The following FBXO42 variants were observed in gnomAD, a reference collection of about 807,000 sequenced individuals.
FBXO42 encodes the protein F-box protein 42, also known as F-box only protein 42.
A neutral mutation model predicts 71.7 loss-of-function variants in FBXO42; 12 were observed. The observed-to-expected ratio is 0.17, with a 90% CI of 0.11 to 0.27. The LOEUF is 0.27. FBXO42 is among the 10% of genes least tolerant of loss of function. The pLI, the probability that FBXO42 is intolerant of heterozygous loss-of-function variation, is 1.00. For synonymous variants in FBXO42, 325 were observed against 327.5 expected (o/e 0.99, Z 0.08); for missense variants, 707 against 911.9 (o/e 0.78, Z 2.89).
intron 2 of FBXO42, among the ~76,000 whole-genome samples, chr1:16,306,916 T>C (rs2082257071): frequency 6.6e-6 from 1 of 152,034 alleles, no homozygotes. Flanking sequence ...TTTTTTTTTC[T>C]TTTTGAGACA....
chr1:16,284,776 T>C (rs964889109), intron 4 of FBXO42, among the ~76,000 whole-genome samples: 14 of 152,180 alleles, frequency 9.2e-5, no homozygotes, highest in Non-Finnish European at 1.5e-4. Context: ...GAGACCAGCC[T>C]GACCAACATG....
intron 1 of FBXO42, among the ~76,000 whole-genome samples, chr1:16,348,588 C>T (rs2082673199): frequency 6.6e-6 from 1 of 152,052 alleles, no homozygotes. Flanking sequence ...GTACTCCCAG[C>T]TACTCGGGAG....
intron 1 of FBXO42, among the ~76,000 whole-genome samples, chr1:16,348,929 A>C (rs956786099): frequency 1.2e-4 from 19 of 152,308 alleles, no homozygotes; most frequent in Admixed American, 2.6e-4. Flanking sequence ...CAAAACAAAA[A>C]CAAAAAAGCA....
chr1:16,277,137 CA>C (rs2081912046), intron 4 of FBXO42, among the ~76,000 whole-genome samples: 1 of 152,142 alleles, frequency 6.6e-6, no homozygotes, highest in Non-Finnish European at 1.5e-5. Flanking sequence ...TGAGATCAAT[CA>C]CTCGTTTTTA....
intron 4 of FBXO42, among the ~76,000 whole-genome samples, chr1:16,272,706 G>A (rs1214235644): frequency 6.6e-6 from 1 of 152,164 alleles, no homozygotes; most frequent in East Asian, 1.9e-4. Context: ...GAGACCCAAG[G>A]TGGCAGCAAG....
chr1:16,343,028 G>C (rs1242218267), intron 1 of FBXO42, among the ~76,000 whole-genome samples: 2 of 152,230 alleles, frequency 1.3e-5, no homozygotes, highest in East Asian at 3.9e-4. Context: ...GTAGAACCAT[G>C]AGCTAAATAA....
At chr1:16,332,446 T>C (rs913624495) in intron 1 of FBXO42, among the ~76,000 whole-genome samples, 1 of 152,228 alleles carries the variant, frequency 6.6e-6, no homozygotes, top group East Asian at 1.9e-4. Context: ...TATTGTGATT[T>C]AGTAAGCAAA....
chr1:16,327,485 C>T (rs1393759917), intron 1 of FBXO42, among the ~76,000 whole-genome samples: 1 of 152,108 alleles, frequency 6.6e-6, no homozygotes, highest in Non-Finnish European at 1.5e-5. Flanking sequence ...AACTTTTAAT[C>T]GTGGTAAGTC....
intron 3 of FBXO42, among the ~76,000 whole-genome samples, chr1:16,301,534 G>A (rs985139774): frequency 6.6e-6 from 1 of 151,636 alleles, no homozygotes; most frequent in African/African-American, 2.4e-5. Flanking sequence ...GTGGTGGCAG[G>A]CACCTGTAAT....
chr1:16,326,470 GTTCAGGAGT>G (rs1425476340), intron 1 of FBXO42, among the ~76,000 whole-genome samples: 1 of 151,422 alleles, frequency 6.6e-6, no homozygotes, highest in East Asian at 2.0e-4. Context: ...GATCACTTGA[GTTCAGGAGT>G]TCAAGACCAG....
In FBXO42 at chr1:16,315,276, G is replaced by A. The variant is rs139997758; in HGVS notation, c.143C>T (p.Ser48Leu). 95 of 1,613,942 alleles carry A rather than the reference G, an allele frequency of 5.9e-5. No homozygotes were observed. Among genetic ancestry groups the A allele is most frequent in the African/African-American group, 4.5e-4 (34 of 74,890 alleles). ...CTCCAAAACCTCTTCTGGCAGCTCCGACATGGACCTATTATGTCTAGTCTC... is the reference window on the plus strand; with the variant it reads ...CTCCAAAACCTCTTCTGGCAGCTCCAACATGGACCTATTATGTCTAGTCTC... The part of the protein sequence containing the change: ...AEETRHNRSM[S>L]ELPEEVLEYI... Residue 48 changes from serine (S) to leucine (L), a missense_variant, in exon 2 of 10, where the codon TCG becomes TTG. Ser to Leu is a moderately radical substitution (Grantham distance 145). Coordinates refer to ENST00000375592, the MANE Select transcript of FBXO42 (RefSeq NM_018994.3).
Position 16,352,297 on chromosome 1 carries a change from G to T in FBXO42, c.-60C>A. 1 of 397,106 alleles carries T rather than the reference G, an allele frequency of 2.5e-6. No homozygotes were observed. Among genetic ancestry groups the T allele is most frequent in the South Asian group, 1.3e-4 (1 of 7,626 alleles). 24.6% of individuals were successfully genotyped at this position (397,106 alleles called of 1,614,324 possible). A position where few individuals can be genotyped will look rare whatever the true frequency, so the allele number is the denominator to read the frequency against. On this transcript the variant is annotated 5_prime_UTR_variant, in exon 1 of 10. Coordinates refer to ENST00000375592, the MANE Select transcript of FBXO42 (RefSeq NM_018994.3). Reference sequence around the variant, plus strand: ...ACGCTCTCGGGTTCGCTCCGCTGGCGACGGTAATGAGGGAGCCAGGGACAG... The same window carrying T: ...ACGCTCTCGGGTTCGCTCCGCTGGCTACGGTAATGAGGGAGCCAGGGACAG...
Position 16,250,275 on chromosome 1 carries a change from A to G in FBXO42, c.*395T>C, listed in dbSNP as rs2081577056. 1 of 152,628 alleles carries G rather than the reference A, an allele frequency of 6.6e-6. No individual in the cohort carries two copies. Among genetic ancestry groups the G allele is most frequent in the African/African-American group, 2.4e-5 (1 of 41,436 alleles). The allele number at this position is 152,628 out of a possible 1,614,324, so 9.5% of individuals were successfully genotyped here. Reference sequence around the variant, plus strand: ...TATGCCCTTTCATTTTTTAACTCCAAGAAGGCCACATAAAGATTTACAGGG... The same window carrying G: ...TATGCCCTTTCATTTTTTAACTCCAGGAAGGCCACATAAAGATTTACAGGG... On this transcript the variant is annotated 3_prime_UTR_variant, in exon 10 of 10. Transcript: ENST00000375592. The surrounding 1 kb of genome is among the most constrained non-coding windows in gnomAD (Gnocchi z 4.7).
chr1:16,316,000 G>A (rs755458818), intron 1 of FBXO42, among the ~76,000 whole-genome samples: 3 of 151,644 alleles, frequency 2.0e-5, no homozygotes, highest in Non-Finnish European at 4.4e-5. Flanking sequence ...GAGAAACCCC[G>A]TCTCTACTAA....
At chr1:16,271,918 C>A (rs1265523112) in intron 4 of FBXO42, among the ~76,000 whole-genome samples, 1 of 150,294 alleles carries the variant, frequency 6.7e-6, no homozygotes, top group Non-Finnish European at 1.5e-5. Flanking sequence ...GCGGGTGGAT[C>A]ACCTGAGGTC....
intron 1 of FBXO42, among the ~76,000 whole-genome samples, chr1:16,342,411 A>C (rs1345364670): frequency 2.0e-5 from 3 of 151,196 alleles, no homozygotes; most frequent in Admixed American, 1.3e-4. Flanking sequence ...AAAAAAAAAA[A>C]AAAAAACCCT....
chr1:16,281,248 C>T (rs75154592), intron 4 of FBXO42, among the ~76,000 whole-genome samples: 4,041 of 152,220 alleles, frequency 0.027, 184 homozygotes, highest in African/African-American at 0.09. Flanking sequence ...AGGCGTGAGC[C>T]GCAATGCCCT....
chr1:16,319,896 G>C (rs2082398248), intron 1 of FBXO42, among the ~76,000 whole-genome samples: 1 of 148,742 alleles, frequency 6.7e-6, no homozygotes, highest in African/African-American at 2.5e-5. Context: ...GGGCAACAGA[G>C]TGAGACTCCA....
rs2082243938 is a variant in FBXO42, at chr1:16,305,799, T to C, written c.367+4A>G. ...TGGAATCTGCTTTCACAGTAAATAC[T>C]TACTGTGCGAGAAGCGCTGAGTGAT... On this transcript the variant is annotated splice_donor_region_variant and intron_variant, in intron 3 of 9. Transcript: ENST00000375592. 2 of 1,610,514 alleles carry C rather than the reference T, an allele frequency of 1.2e-6. No homozygotes were observed. Among genetic ancestry groups the C allele is most frequent in the Admixed American group, 3.3e-5 (2 of 59,994 alleles).
Sources: gnomAD v4.1 joint callset for allele counts (sites outside exome capture counted in the v4.1 genomes callset) on GRCh38, gnomAD v4.1.1 for gene constraint, Gnocchi (gnomAD v3.1) non-coding constraint, MANE v1.5 for transcripts, NCBI Gene and HGNC (gene_info 2026-07-23, HGNC 2026-07-21) for gene names.